The following ASCC1 variants were observed in gnomAD, a reference collection of about 807,000 sequenced individuals.
ASCC1 encodes ASC-1 complex subunit P50.
In ASCC1, 35 loss-of-function variants were observed where a neutral mutation model predicts 46.6. That is an observed-to-expected ratio of 0.75 (90% CI 0.57 to 0.99). The LOEUF is 0.99. ASCC1 is among the 50% of genes least tolerant of loss of function. The pLI, the probability that ASCC1 is intolerant of heterozygous loss-of-function variation, is 0.00. For missense variants in ASCC1, 376 were observed against 428.7 expected (o/e 0.88, Z 1.09); for synonymous variants, 143 against 146.6 (o/e 0.98, Z 0.18).
chr10:72,215,227 C>A lies in ASCC1; in HGVS notation c.-34+980G>T, dbSNP rs371411840. Among the ~76,000 whole-genome samples, 13 of 152,218 alleles carry A rather than the reference C, an allele frequency of 8.5e-5. No individual in the cohort carries two copies. The East Asian group carries it at 2.1e-3, about 25-fold the overall frequency. On this transcript the variant is annotated intron_variant, in intron 1 of 9. Transcript: ENST00000672957. The stretch of plus-strand genomic sequence containing the variant: ...CAGCCAGGCCAACATGATGAAACCC[C>A]GTCTCTACTGAAAATACAGAAAGTA...
At chr10:72,216,295 T>C (rs1020872382), upstream of ASCC1, 4 of 159,406 alleles carry the variant, frequency 2.5e-5, no homozygotes, top group Non-Finnish European at 1.4e-5. Flanking sequence ...CCAGGCCGGG[T>C]TTGACCGAGT....
chr10:72,215,510 C>G (rs1363138501), intron 1 of ASCC1, among the ~76,000 whole-genome samples: 1 of 152,132 alleles, frequency 6.6e-6, no homozygotes, highest in African/African-American at 2.4e-5. Flanking sequence ...AGGAAAAGGG[C>G]ACATCATTAG....
At chr10:72,110,042 G>A (rs1842758165) in intron 9 of ASCC1, among the ~76,000 whole-genome samples, 2 of 152,356 alleles carry the variant, frequency 1.3e-5, no homozygotes, top group African/African-American at 4.8e-5. Context: ...CCCTGGGGCT[G>A]ATGGCTAGCA....
intron 2 of ASCC1, among the ~76,000 whole-genome samples, chr10:72,211,154 C>T (rs1318733742): frequency 6.6e-6 from 1 of 152,136 alleles, no homozygotes; most frequent in African/African-American, 2.4e-5. Flanking sequence ...AACTGCTGTC[C>T]AAAACTATTA....
intron 3 of ASCC1, chr10:72,204,344 C>G: frequency 6.5e-7 from 1 of 1,531,500 alleles, no homozygotes; most frequent in Non-Finnish European, 8.8e-7. Context: ...TCTCGACTAC[C>G]CCATGAAGAC....
At chr10:72,107,990 C>T (rs2131977210) in intron 9 of ASCC1, among the ~76,000 whole-genome samples, 1 of 152,016 alleles carries the variant, frequency 6.6e-6, no homozygotes, top group South Asian at 2.1e-4. Context: ...TTAAACTTCC[C>T]TCTTACATTT....
At chr10:72,184,367 T>A (rs1358107583) in intron 5 of ASCC1, among the ~76,000 whole-genome samples, 2 of 152,124 alleles carry the variant, frequency 1.3e-5, no homozygotes, top group Non-Finnish European at 2.9e-5. Context: ...GATGTCAGAC[T>A]GCAATTTAAA....
intron 9 of ASCC1, among the ~76,000 whole-genome samples, chr10:72,114,957 T>C (rs1415625789): frequency 1.3e-5 from 2 of 152,232 alleles, no homozygotes; most frequent in African/African-American, 4.8e-5. Flanking sequence ...TTTACTTATT[T>C]GGATTTCACA....
At position 72,213,245 on chromosome 10, in the gene ASCC1, C is replaced by G. The variant is rs764251791; in HGVS notation, c.54G>C (p.Lys18Asn). 9.9e-6 allele frequency: 16 copies of G among 1,613,896 alleles called. No individual in the cohort carries two copies. Among genetic ancestry groups the G allele is most frequent in the Non-Finnish European group, 1.4e-5 (16 of 1,179,950 alleles). The change falls in exon 2 of 10, where the codon AAG becomes AAC. Residue 18 changes from lysine (K) to asparagine (N), a missense_variant. Physicochemically the swap from Lys to Asn is moderately conservative, Grantham distance 94. Transcript: ENST00000672957. ...LIRIDGRNYRKNPVQEQTYQH... is the reference protein window; with the variant it reads ...LIRIDGRNYRNNPVQEQTYQH... ...GATAGGTCTGTTCTTGGACTGGATT[C>G]TTCCTGTAATTCCGGCCATCAATTC...
chr10:72,186,399 A>C (rs1853456166), intron 5 of ASCC1, among the ~76,000 whole-genome samples: 2 of 152,172 alleles, frequency 1.3e-5, no homozygotes, highest in South Asian at 4.1e-4. Flanking sequence ...GAATGTTGAG[A>C]TCATCCCTAT....
At chr10:72,204,406 C>A (rs1211399684) in intron 3 of ASCC1, 2 of 1,550,334 alleles carry the variant, frequency 1.3e-6, no homozygotes, top group South Asian at 2.4e-5. Context: ...CTTATTGACT[C>A]ATTTACATTA....
chr10:72,204,241 C>T (rs1176698347), intron 3 of ASCC1, among the ~76,000 whole-genome samples: 2 of 152,118 alleles, frequency 1.3e-5, no homozygotes, highest in East Asian at 3.8e-4. Flanking sequence ...AAGAACGAGA[C>T]TCTGCCTCAA....
chr10:72,140,941 G>A (rs1397900153), intron 7 of ASCC1, among the ~76,000 whole-genome samples: 1 of 152,030 alleles, frequency 6.6e-6, no homozygotes, highest in Non-Finnish European at 1.5e-5. Flanking sequence ...GTCAAACAGA[G>A]CTGGGTCAAA....
At chr10:72,144,885 T>C (rs1459084393) in intron 7 of ASCC1, among the ~76,000 whole-genome samples, 1 of 152,214 alleles carries the variant, frequency 6.6e-6, no homozygotes, top group Admixed American at 6.5e-5. Flanking sequence ...CTGCATCTCA[T>C]ACTAGCCTCC....
At chr10:72,171,708 C>T (rs1165714788) in intron 5 of ASCC1, among the ~76,000 whole-genome samples, 3 of 152,174 alleles carry the variant, frequency 2.0e-5, no homozygotes, top group Non-Finnish European at 2.9e-5. Flanking sequence ...TGAGCCACCG[C>T]GCCCAGCCCA....
intron 9 of ASCC1, among the ~76,000 whole-genome samples, chr10:72,119,611 A>G (rs1321930441): frequency 2.0e-5 from 3 of 152,176 alleles, no homozygotes; most frequent in African/African-American, 4.8e-5. Context: ...ATTACAGAAC[A>G]CTTCCCCTCC....
chr10:72,111,963 C>T (rs1842967474), intron 9 of ASCC1, among the ~76,000 whole-genome samples: 1 of 152,182 alleles, frequency 6.6e-6, no homozygotes, highest in South Asian at 2.1e-4. Context: ...TTTAAGAAGA[C>T]ATCACAGCTT....
chr10:72,192,399 G>A (rs1854654499), intron 5 of ASCC1, among the ~76,000 whole-genome samples: 1 of 149,822 alleles, frequency 6.7e-6, no homozygotes, highest in Non-Finnish European at 1.5e-5. Flanking sequence ...AGGTTGCAGT[G>A]AGCCAAGATC....
intron 4 of ASCC1, among the ~76,000 whole-genome samples, chr10:72,199,427 A>T (rs538534894): frequency 1.8e-4 from 27 of 150,962 alleles, no homozygotes; most frequent in African/African-American, 6.3e-4. Flanking sequence ...CCTCCTGAGT[A>T]GCTGGGATTA....
Sources: allele counts gnomAD v4.1 joint callset (sites outside exome capture counted in the v4.1 genomes callset), GRCh38; gene constraint gnomAD v4.1.1; transcripts MANE v1.5; gene names NCBI Gene and HGNC (gene_info 2026-07-23, HGNC 2026-07-21).